CFAP100: variants seen among roughly 807,000 people sequenced by gnomAD.
The protein encoded by CFAP100 is cilia and flagella associated protein 100.
In CFAP100, 70 loss-of-function variants were observed where a neutral mutation model predicts 81.5. The observed-to-expected ratio is 0.86, with a 90% CI of 0.71 to 1.05. The LOEUF is 1.05. CFAP100 is among the 50% of genes least tolerant of loss of function. The pLI is 0.00. For synonymous variants in CFAP100, 341 were observed against 314.8 expected (o/e 1.08, Z -0.88); for missense variants, 811 against 776.5 (o/e 1.04, Z -0.53).
In CFAP100 at chr3:126,411,372, T is replaced by TG. The variant is rs1210589201; in HGVS notation, c.131-2713_131-2712insG. 1.1e-4 allele frequency among the ~76,000 whole-genome samples: 16 copies of TG among 139,672 alleles called. 1 individual carries two copies. Among genetic ancestry groups the TG allele is most frequent in the African/African-American group, 4.2e-4 (16 of 37,812 alleles). The allele number at this position is 139,672 out of a possible 152,430, so 91.6% of individuals were successfully genotyped here. Reference sequence around the variant, plus strand: ...TTTTGTTGTTGTTGGTTTTTTTTTTTTTTTTTTTTTTTTTTGCTCGTGTCC... The same window carrying TG: ...TTTTGTTGTTGTTGGTTTTTTTTTTTGTTTTTTTTTTTTTTTGCTCGTGTCC... On this transcript the variant is annotated intron_variant, in intron 3 of 16. Coordinates refer to ENST00000352312, the MANE Select transcript of CFAP100 (RefSeq NM_182628.3).
chr3:126,413,275 T>A (rs1393073462), intron 3 of CFAP100, among the ~76,000 whole-genome samples: 1 of 152,216 alleles, frequency 6.6e-6, no homozygotes, highest in Non-Finnish European at 1.5e-5. Flanking sequence ...TGTGCCAGGC[T>A]GCACCTCCTT....
chr3:126,436,254 T>G, intron 16 of CFAP100, 37 bp from the exon 17 acceptor site: 1 of 1,553,702 alleles, frequency 6.4e-7, no homozygotes, highest in Non-Finnish European at 8.9e-7. Flanking sequence ...TACGGCTCAC[T>G]AGGCAGCAAG....
At chr3:126,418,149 T>C in intron 5 of CFAP100, 1 of 334,078 alleles carries the variant, frequency 3.0e-6, no homozygotes, top group Non-Finnish European at 5.6e-6. Context: ...CTGGGTGAAA[T>C]TTCCCAGGTG....
Position 126,419,703 on chromosome 3 carries a change from G to T in CFAP100, c.798G>T (p.Leu266=). 1 of 1,614,126 alleles carries T rather than the reference G, an allele frequency of 6.2e-7. No individual in the cohort carries two copies. Among genetic ancestry groups the T allele is most frequent in the Non-Finnish European group, 8.5e-7 (1 of 1,180,032 alleles). Residue 266 remains leucine, a synonymous_variant, in exon 9 of 17, where the codon CTG becomes CTT. Transcript: ENST00000352312. ...YKVYKDFLYK[L]SPKEWLEEQE... ...TCTATAAGGATTTCCTATACAAGCT[G>T]TCGCCCAAGGAGTGGCTTGAAGAAC...
chr3:126,428,553 G>T (rs973084128), intron 13 of CFAP100, among the ~76,000 whole-genome samples: 2 of 152,202 alleles, frequency 1.3e-5, no homozygotes, highest in Non-Finnish European at 2.9e-5. Context: ...TTCACTGATT[G>T]TATCAAATGT....
rs2083353569 is a variant in CFAP100, at chr3:126,422,812, A to G, written c.1083-513A>G. ...GGGCAGGAAAGGCCTCAAAGGTGGC[A>G]CTCAGTAAACAAGGGTGAGGGAGGA... On this transcript the variant is annotated intron_variant, in intron 11 of 16. Transcript: ENST00000352312. Among the ~76,000 whole-genome samples the G allele has an allele frequency of 2.0e-5, 3 of 152,122 alleles. No homozygotes were observed. The South Asian group carries it at 6.2e-4, about 31-fold the overall frequency.
Position 126,433,060 on chromosome 3 carries a change from C to G in CFAP100, c.1287-9C>G. 6.2e-7 allele frequency: 1 copy of G among 1,613,958 alleles called. No individual in the cohort carries two copies. ...TGACTGATGCCCTGCCGGTTTTCCC[C>G]TCTTCCAGGGACAGGGAGGTCAACC... On this transcript the variant is annotated splice_polypyrimidine_tract_variant and intron_variant, in intron 13 of 16. Coordinates refer to ENST00000352312, the MANE Select transcript of CFAP100 (RefSeq NM_182628.3).
At chr3:126,425,577 G>A (rs2083393262) in intron 13 of CFAP100, among the ~76,000 whole-genome samples, 1 of 152,188 alleles carries the variant, frequency 6.6e-6, no homozygotes, top group South Asian at 2.1e-4. Flanking sequence ...TATGAAGCCA[G>A]TATGACCCTA....
intron 2 of CFAP100, among the ~76,000 whole-genome samples, chr3:126,406,720 G>T (rs2083069115): frequency 1.3e-5 from 2 of 152,206 alleles, no homozygotes; most frequent in Admixed American, 1.3e-4. Context: ...ACTCCTCACG[G>T]TGGGATAGGG....
chr3:126,434,281 A>G lies in CFAP100; in HGVS notation c.1528A>G (p.Ile510Val), dbSNP rs538384312. The G allele has an allele frequency of 1.9e-6, 3 of 1,614,064 alleles. No homozygotes were observed. The African/African-American group carries it at 4.0e-5, about 22-fold the overall frequency. Reference protein sequence around the residue: ...NLGTVQMLTIIEHQLDELLEN... With the variant: ...NLGTVQMLTIVEHQLDELLEN... ...GGGCACCGTGCAGATGCTGACCATCATTGAGCACCAGCTGGATGAGCTGCT... is the reference window on the plus strand; with the variant it reads ...GGGCACCGTGCAGATGCTGACCATCGTTGAGCACCAGCTGGATGAGCTGCT... Residue 510 changes from isoleucine (I) to valine (V), a missense_variant, in exon 15 of 17, where the codon ATT becomes GTT. Transcript: ENST00000352312.
intron 3 of CFAP100, 99 bp downstream of exon 3, chr3:126,407,351 G>A: frequency 3.0e-6 from 2 of 667,322 alleles, no homozygotes; most frequent in Non-Finnish European, 5.2e-6. Context: ...AGAGCTAAGG[G>A]CAGAAGGAAA....
At chr3:126,419,487 C>T (rs922288764) in intron 8 of CFAP100, 150 bp from the exon 9 acceptor site, 2 of 707,284 alleles carry the variant, frequency 2.8e-6, no homozygotes, top group Non-Finnish European at 4.8e-6. Context: ...TGCCTGTCTT[C>T]CAGCATGTGG....
intron 3 of CFAP100, among the ~76,000 whole-genome samples, chr3:126,409,254 G>A (rs951198152): frequency 6.6e-6 from 1 of 152,140 alleles, no homozygotes; most frequent in Non-Finnish European, 1.5e-5. Context: ...AAATGGAATC[G>A]CACACTGTCT....
rs141478523 is a variant in CFAP100 at position 126,428,661 on chromosome 3, T to C, written c.1287-4408T>C. Among the ~76,000 whole-genome samples, 26 of 152,262 alleles carry C rather than the reference T, an allele frequency of 1.7e-4. 1 individual carries two copies. The East Asian group carries it at 4.6e-3, about 27-fold the overall frequency. On this transcript the variant is annotated intron_variant, in intron 13 of 16. Coordinates refer to ENST00000352312, the MANE Select transcript of CFAP100 (RefSeq NM_182628.3). Reference sequence around the variant, plus strand: ...TAATGCACTGTTGAATTCTGTTTGATAGTTTTGGGATGATTTTTGCATCTA... The same window carrying C: ...TAATGCACTGTTGAATTCTGTTTGACAGTTTTGGGATGATTTTTGCATCTA...
At chr3:126,413,035 A>G (rs9881159) in intron 3 of CFAP100, among the ~76,000 whole-genome samples, 1,872 of 152,316 alleles carry the variant, frequency 0.012, 26 homozygotes, top group African/African-American at 0.041. Context: ...AGCATAAAGA[A>G]TTTTACTTCT....
intron 2 of CFAP100, among the ~76,000 whole-genome samples, chr3:126,406,719 G>A (rs1331578633): frequency 2.0e-5 from 3 of 152,192 alleles, no homozygotes; most frequent in South Asian, 2.1e-4. Flanking sequence ...CACTCCTCAC[G>A]GTGGGATAGG....
At chr3:126,430,358 G>T (rs1291557416) in intron 13 of CFAP100, among the ~76,000 whole-genome samples, 1 of 152,194 alleles carries the variant, frequency 6.6e-6, no homozygotes, top group Non-Finnish European at 1.5e-5. Flanking sequence ...ACAGCTAGAA[G>T]AGAATAATTT....
chr3:126,401,556 A>T (rs547886947), intron 2 of CFAP100, among the ~76,000 whole-genome samples: 1 of 151,460 alleles, frequency 6.6e-6, no homozygotes, highest in South Asian at 2.1e-4. Flanking sequence ...AGGCTGATTC[A>T]GTGATTGTGG....
intron 2 of CFAP100, among the ~76,000 whole-genome samples, chr3:126,401,564 T>C (rs1220208514): frequency 6.6e-6 from 1 of 150,932 alleles, no homozygotes; most frequent in Non-Finnish European, 1.5e-5. Flanking sequence ...TCAGTGATTG[T>C]GGTGGGAAGC....
Sources: allele counts gnomAD v4.1 joint callset (sites outside exome capture counted in the v4.1 genomes callset), GRCh38; gene constraint gnomAD v4.1.1; transcripts MANE v1.5; gene names NCBI Gene and HGNC (gene_info 2026-07-23, HGNC 2026-07-21).